The following CBFA2T3 variants were observed in gnomAD, a reference collection of about 807,000 sequenced individuals.
CBFA2T3 encodes the protein CBFA2/RUNX1 partner transcriptional co-repressor 3, also known as transcriptional corepressor CBFA2T3.
Under a neutral mutation model 58.6 loss-of-function variants are expected in CBFA2T3, and 31 were observed. The observed-to-expected ratio is 0.53, with a 90% CI of 0.40 to 0.71. CBFA2T3 has a LOEUF of 0.71. Ranked by LOEUF, CBFA2T3 falls within the 30% of genes least tolerant of loss-of-function variation. The pLI is 0.00. For synonymous variants in CBFA2T3, 531 were observed against 421.9 expected (o/e 1.26, Z -3.17); for missense variants, 1,076 against 963.1 (o/e 1.12, Z -1.55).
rs1461949410 is a variant in CBFA2T3, at chr16:88,876,980, C to T, written c.1958G>A (p.Arg653His). Reference protein sequence around the residue: ...SPPGPLDTVPR With the variant: ...SPPGPLDTVPH ...GCAGGCCAGGGGCCAGTGGGGTCAG[C>T]GGGGCACGGTGTCCAGTGGGCCAGG... The change falls in exon 12 of 12, where the codon CGC becomes CAC. Residue 653 changes from arginine (R) to histidine (H), a missense_variant. Transcript: ENST00000268679. 1.3e-5 allele frequency: 19 copies of T among 1,442,210 alleles called. No homozygotes were observed. Among genetic ancestry groups the T allele is most frequent in the East Asian group, 1.3e-4 (5 of 38,734 alleles). The allele number at this position is 1,442,210 out of a possible 1,614,324, so 89.3% of individuals were successfully genotyped here.
chr16:88,898,303 G>T (rs773814096), intron 2 of CBFA2T3, 151 bp from the exon 3 acceptor site: 3 of 623,140 alleles, frequency 4.8e-6, no homozygotes, highest in Non-Finnish European at 8.5e-6. Context: ...CACCCGGGCC[G>T]CCTTTTCTTG....
chr16:88,914,896 A>G (rs1237804135), intron 1 of CBFA2T3, among the ~76,000 whole-genome samples: 1 of 152,026 alleles, frequency 6.6e-6, no homozygotes, highest in African/African-American at 2.4e-5. Flanking sequence ...CCCAGCTGCT[A>G]GAGCTGCGCT....
chr16:88,892,924 C>T (rs1292710004), intron 3 of CBFA2T3, among the ~76,000 whole-genome samples: 12 of 152,192 alleles, frequency 7.9e-5, no homozygotes, highest in Admixed American at 7.9e-4. Context: ...TCACACCCAG[C>T]AGGGGTGCGG....
chr16:88,895,630 G>A (rs1184351378), intron 3 of CBFA2T3, among the ~76,000 whole-genome samples: 1 of 152,140 alleles, frequency 6.6e-6, no homozygotes, highest in East Asian at 1.9e-4. Flanking sequence ...GGGAACAGGT[G>A]TGCCCACGAC....
At chr16:88,894,893 T>C (rs1189995911) in intron 3 of CBFA2T3, among the ~76,000 whole-genome samples, 2 of 151,886 alleles carry the variant, frequency 1.3e-5, no homozygotes, top group African/African-American at 4.8e-5. Flanking sequence ...GCTGGGCTGG[T>C]GCAGCGGCTC....
intron 1 of CBFA2T3, among the ~76,000 whole-genome samples, chr16:88,913,827 G>A (rs1420771163): frequency 6.6e-6 from 1 of 152,146 alleles, no homozygotes; most frequent in Admixed American, 6.5e-5. Flanking sequence ...CAAAACTAAG[G>A]AACCTGAAAA....
chr16:88,920,213 TG>T (rs1433881163), intron 1 of CBFA2T3, among the ~76,000 whole-genome samples: 1 of 152,196 alleles, frequency 6.6e-6, no homozygotes, highest in Non-Finnish European at 1.5e-5. Flanking sequence ...TGACAGTCGC[TG>T]GAGCCCCAAC....
intron 1 of CBFA2T3, among the ~76,000 whole-genome samples, chr16:88,911,788 C>T (rs955458443): frequency 6.6e-6 from 1 of 152,254 alleles, no homozygotes; most frequent in African/African-American, 2.4e-5. Context: ...TTGTCTTTGG[C>T]ACTGTGCCCA....
intron 5 of CBFA2T3, among the ~76,000 whole-genome samples, chr16:88,888,376 T>A (rs886148425): frequency 7.2e-6 from 1 of 138,992 alleles, no homozygotes; most frequent in East Asian, 2.2e-4. Flanking sequence ...TGGCTGGGGG[T>A]CACTCCCACT....
At chr16:88,908,203 G>A (rs1264874712) in intron 1 of CBFA2T3, among the ~76,000 whole-genome samples, 3 of 152,282 alleles carry the variant, frequency 2.0e-5, no homozygotes, top group Middle Eastern at 3.4e-3. Flanking sequence ...TTAGCCGAGC[G>A]TAGTGGTGCG....
At chr16:88,970,670 A>T (rs533212958) in intron 1 of CBFA2T3, among the ~76,000 whole-genome samples, 2 of 152,314 alleles carry the variant, frequency 1.3e-5, no homozygotes, top group East Asian at 1.9e-4. Context: ...CACCAGCAGG[A>T]TGCACACAGC....
intron 1 of CBFA2T3, among the ~76,000 whole-genome samples, chr16:88,923,639 G>A (rs749215679): frequency 5.9e-5 from 9 of 152,248 alleles, no homozygotes; most frequent in East Asian, 1.9e-4. Flanking sequence ...GTCCTGGCGC[G>A]CAGCACAGCT....
chr16:88,902,003 C>G (rs988673887), intron 1 of CBFA2T3, among the ~76,000 whole-genome samples: 3 of 152,236 alleles, frequency 2.0e-5, no homozygotes, highest in Non-Finnish European at 4.4e-5. Context: ...TTGCTCCCAC[C>G]TCCATGAGCA....
intron 1 of CBFA2T3, among the ~76,000 whole-genome samples, chr16:88,926,958 TC>T (rs879335618): frequency 1.4e-4 from 21 of 152,098 alleles, no homozygotes; most frequent in Non-Finnish European, 2.4e-4. Context: ...TCCTCACTGG[TC>T]CTGGAGGTGG....
At chr16:88,913,781 C>G (rs1489211205) in intron 1 of CBFA2T3, among the ~76,000 whole-genome samples, 1 of 152,194 alleles carries the variant, frequency 6.6e-6, no homozygotes, top group African/African-American at 2.4e-5. Context: ...GATGACTCCT[C>G]AGAGAGGGCT....
Position 88,876,248 on chromosome 16 carries a change from C to G in CBFA2T3, c.*728G>C, listed in dbSNP as rs1968824163. Reference sequence around the variant, plus strand: ...TGCTTCCTTTGCTTTTTTAAAAAAACTTTTTGGATTTTTACTTAAAGCCAA... The same window carrying G: ...TGCTTCCTTTGCTTTTTTAAAAAAAGTTTTTGGATTTTTACTTAAAGCCAA... On this transcript the variant is annotated 3_prime_UTR_variant, in exon 12 of 12. Coordinates refer to ENST00000268679, the MANE Select transcript of CBFA2T3 (RefSeq NM_005187.6). 2 of 229,046 alleles carry G rather than the reference C, an allele frequency of 8.7e-6. No homozygotes were observed. Among genetic ancestry groups the G allele is most frequent in the Non-Finnish European group, 1.7e-5 (2 of 115,284 alleles). 14.2% of individuals were successfully genotyped at this position (229,046 alleles called of 1,614,324 possible).
rs759797912 is a variant in CBFA2T3 at position 88,886,125 on chromosome 16, C to T, written c.729G>A (p.Leu243=). 7.8e-6 allele frequency: 12 copies of T among 1,546,056 alleles called. No individual in the cohort carries two copies. The East Asian group carries it at 2.5e-4, about 33-fold the overall frequency. ...GTGCACAGTGCAGGAGCTCCCGCTGCAGCAAGGGCAGGTTTGCCTGTGGGG... is the reference window on the plus strand; with the variant it reads ...GTGCACAGTGCAGGAGCTCCCGCTGTAGCAAGGGCAGGTTTGCCTGTGGGG... ...IPFLKANLPL[L]QRELLHCARL... The change falls in exon 6 of 12, where the codon CTG becomes CTA. Residue 243 remains leucine (L), a synonymous_variant. Transcript: ENST00000268679.
intron 7 of CBFA2T3, 44 bp from the exon 8 acceptor site, chr16:88,882,805 G>A (rs765607940): frequency 1.5e-6 from 2 of 1,306,754 alleles, no homozygotes; most frequent in South Asian, 1.3e-5. Flanking sequence ...CCCACAGCCA[G>A]TCTCTGCCCT....
At chr16:88,880,654 G>A in intron 10 of CBFA2T3, 66 bp downstream of exon 10, 3 of 1,332,954 alleles carry the variant, frequency 2.3e-6, no homozygotes, top group South Asian at 1.3e-5. Flanking sequence ...CTGAGCCGGT[G>A]AGAGGCGCAT....
Sources: gnomAD v4.1 joint callset for allele counts (sites outside exome capture counted in the v4.1 genomes callset) on GRCh38, gnomAD v4.1.1 for gene constraint, MANE v1.5 for transcripts, NCBI Gene and HGNC (gene_info 2026-07-23, HGNC 2026-07-21) for gene names.